Variants in OR4K1 observed in about 807,000 individuals in gnomAD.
The protein encoded by OR4K1 is olfactory receptor 4K1.
A neutral mutation model predicts 14.4 loss-of-function variants in OR4K1; 16 were observed. That is an observed-to-expected ratio of 1.11 (90% confidence interval 0.75 to 1.68). OR4K1 has a LOEUF of 1.68. OR4K1 is among the 40% of genes most tolerant of loss of function. The probability of loss-of-function intolerance (pLI) is 0.00; values close to 1 mark genes in which losing one functional copy is unlikely to be tolerated. For missense variants in OR4K1, 548 were observed against 376.9 expected, an observed-to-expected ratio of 1.45 and a Z score of -3.76; for synonymous variants, 181 against 133.1, an observed-to-expected ratio of 1.36 and a Z score of -2.48.
chr14:19,933,946 AGT>A (rs1344597152), intron 1 of OR4K1, among the ~76,000 whole-genome samples: 1 of 152,264 alleles, frequency 6.6e-6, no homozygotes, highest in Non-Finnish European at 1.5e-5. Flanking sequence ...AAGCCCTGAA[AGT>A]GTAGGATATA....
chr14:19,935,988 G>C lies in OR4K1; in HGVS notation c.322G>C (p.Val108Leu), dbSNP rs370255888. 6.2e-5 allele frequency: 100 copies of C among 1,614,114 alleles called. No individual in the cohort carries two copies. Among genetic ancestry groups the C allele is most frequent in the Non-Finnish European group, 7.8e-5 (92 of 1,180,036 alleles). The change falls in exon 2 of 2, where the codon GTT becomes CTT. Residue 108 changes from valine (V) to leucine (L), a missense_variant. Transcript: ENST00000641172. ...MAQIFVLHSF[V>L]GSEMMLLVAM... is the part of the protein sequence containing the mutation. ...CCAGATATTCGTTCTTCACAGTTTT[G>C]TTGGGAGTGAGATGATGTTGCTTGT...
chr14:19,929,929 A>G (rs1614301), upstream of OR4K1, among the ~76,000 whole-genome samples: 1 of 151,976 alleles, frequency 6.6e-6, no homozygotes, highest in Non-Finnish European at 1.5e-5. Context: ...TGTAGTCTGG[A>G]TATTTTAAAA....
chr14:19,931,538 T>G (rs1882184311), intron 1 of OR4K1, among the ~76,000 whole-genome samples: 1 of 152,246 alleles, frequency 6.6e-6, no homozygotes, highest in South Asian at 2.1e-4. Context: ...CACAGTAGAG[T>G]AATGGTCAGT....
the OR4K1 span, chr14:19,921,248 G>C: frequency 6.2e-7 from 1 of 1,614,118 alleles, no homozygotes; most frequent in Non-Finnish European, 8.5e-7. Flanking sequence ...TCTCTCTCTT[G>C]GTCAGCTCCT....
chr14:19,936,312 A>C lies in OR4K1; in HGVS notation c.646A>C (p.Ile216Leu), dbSNP rs1882320842. The C allele has an allele frequency of 6.2e-7, 1 of 1,614,086 alleles. No individual in the cohort carries two copies. Among genetic ancestry groups the C allele is most frequent in the Non-Finnish European group, 8.5e-7 (1 of 1,180,040 alleles). Reference sequence around the variant, plus strand: ...ATTGAGCTGTTTCCTGGCTTTAATTATTTCCTACACCATCATTTTGATCGG... The same window carrying C: ...ATTGAGCTGTTTCCTGGCTTTAATTCTTTCCTACACCATCATTTTGATCGG... Reference protein sequence around the residue: ...ISLSCFLALIISYTIILIGVR... With the variant: ...ISLSCFLALILSYTIILIGVR... Residue 216 changes from isoleucine to leucine, a missense_variant, in exon 2 of 2, where the codon ATT (isoleucine) becomes CTT (leucine). Transcript: ENST00000641172.
At chr14:19,930,194 C>T (rs1882155963), upstream of OR4K1, among the ~76,000 whole-genome samples, 1 of 152,114 alleles carries the variant, frequency 6.6e-6, no homozygotes, top group Non-Finnish European at 1.5e-5. Flanking sequence ...GCAATATGTG[C>T]CATTGTGCTC....
At chr14:19,934,302 A>G (rs1882254162) in intron 1 of OR4K1, among the ~76,000 whole-genome samples, 1 of 152,262 alleles carries the variant, frequency 6.6e-6, no homozygotes, top group African/African-American at 2.4e-5. Context: ...AACATTTAAG[A>G]GCAAATTTAC....
At chr14:19,930,649 C>T (rs913885220), upstream of OR4K1, among the ~76,000 whole-genome samples, 1 of 152,222 alleles carries the variant, frequency 6.6e-6, no homozygotes, top group Non-Finnish European at 1.5e-5. Flanking sequence ...TACCTGAATA[C>T]TTCCTTTGCT....
the OR4K1 span, among the ~76,000 whole-genome samples, chr14:19,922,779 C>T: frequency 6.6e-6 from 1 of 152,170 alleles, no homozygotes; most frequent in South Asian, 2.1e-4. Context: ...CTTTCCTGTG[C>T]TGTCTCCCCT....
the OR4K1 span, among the ~76,000 whole-genome samples, chr14:19,925,586 TTTTA>T: frequency 1.3e-5 from 2 of 152,248 alleles, no homozygotes; most frequent in Non-Finnish European, 2.9e-5. Context: ...CAGGGCAGAC[TTTTA>T]TTTGTTTCCT....
the OR4K1 span, among the ~76,000 whole-genome samples, chr14:19,924,565 G>A: frequency 6.6e-6 from 1 of 152,306 alleles, no homozygotes; most frequent in South Asian, 2.1e-4. Context: ...GTGAAACTGT[G>A]GAGAAATAGG....
At position 19,936,327 on chromosome 14, in the gene OR4K1, A is replaced by G. The variant is rs776867878; in HGVS notation, c.661A>G (p.Ile221Val). The G allele has an allele frequency of 1.9e-6, 3 of 1,614,268 alleles. No homozygotes were observed. The highest frequency in any genetic ancestry group is 2.5e-6 in the Non-Finnish European group (3 of 1,180,054). ...FLALIISYTI[I>V]LIGVRCRSSS... is the part of the protein sequence containing the mutation. The stretch of plus-strand genomic sequence containing the variant: ...GGCTTTAATTATTTCCTACACCATC[A>G]TTTTGATCGGTGTCCGATGCAGGTC... The change falls in exon 2 of 2, where the codon ATT becomes GTT. Residue 221 changes from isoleucine to valine, a missense_variant. By Grantham distance (29) the Ile-to-Val change is conservative. Coordinates refer to ENST00000641172, the MANE Select transcript of OR4K1 (RefSeq NM_001004063.3).
chr14:19,935,358 C>T (rs1281355106), intron 1 of OR4K1, among the ~76,000 whole-genome samples: 2 of 152,204 alleles, frequency 1.3e-5, no homozygotes, highest in Non-Finnish European at 2.9e-5. Context: ...TCATGTATTT[C>T]ACTTATACTT....
chr14:19,932,481 C>T (rs1391758738), intron 1 of OR4K1, among the ~76,000 whole-genome samples: 1 of 152,170 alleles, frequency 6.6e-6, no homozygotes, highest in Non-Finnish European at 1.5e-5. Context: ...CAAGTGACAT[C>T]GCCATTTCAC....
rs775427183 is a variant in OR4K1 at position 19,935,780 on chromosome 14, A to G, written c.114A>G (p.Ser38=). 2 of 1,614,048 alleles carry G rather than the reference A, an allele frequency of 1.2e-6. No individual in the cohort carries two copies. Among genetic ancestry groups the G allele is most frequent in the African/African-American group, 2.7e-5 (2 of 74,954 alleles). Residue 38 remains serine (S), a synonymous_variant, in exon 2 of 2, where the codon TCA becomes TCG. Coordinates refer to ENST00000641172, the MANE Select transcript of OR4K1 (RefSeq NM_001004063.3). The part of the protein sequence containing the change: ...FAIFSIVYVT[S]VLGNVLIIVI... ...TCTTCTCTATAGTCTATGTGACATC[A>G]GTGCTAGGCAATGTCTTAATTATTG...
chr14:19,923,943 C>A, the OR4K1 span, among the ~76,000 whole-genome samples: 1 of 152,272 alleles, frequency 6.6e-6, no homozygotes, highest in African/African-American at 2.4e-5. Context: ...TAGACTCTGA[C>A]AGATACAGAT....
At chr14:19,930,418 T>C (rs1882160446), upstream of OR4K1, among the ~76,000 whole-genome samples, 1 of 152,240 alleles carries the variant, frequency 6.6e-6, no homozygotes, top group Non-Finnish European at 1.5e-5. Context: ...AAGAAATTTA[T>C]ATAGGGAATA....
At chr14:19,926,626 T>C, upstream of OR4K1, among the ~76,000 whole-genome samples, 1 of 152,236 alleles carries the variant, frequency 6.6e-6, no homozygotes. Flanking sequence ...TCATTGAATG[T>C]TATAGGCAGC....
At chr14:19,923,757 A>G in the OR4K1 span, among the ~76,000 whole-genome samples, 12 of 152,380 alleles carry the variant, frequency 7.9e-5, no homozygotes, top group Non-Finnish European at 1.6e-4. Context: ...GTGAAGATAG[A>G]CACTATATTA....
Sources: gnomAD v4.1 joint callset for allele counts (sites outside exome capture counted in the v4.1 genomes callset) on GRCh38, gnomAD v4.1.1 for gene constraint, MANE v1.5 for transcripts, NCBI Gene and HGNC (gene_info 2026-07-23, HGNC 2026-07-21) for gene names.